The following GUCY1A2 variants were observed in gnomAD, a reference collection of about 807,000 sequenced individuals.
GUCY1A2 encodes guanylate cyclase soluble subunit alpha-2.
Under a neutral mutation model 63.5 loss-of-function variants are expected in GUCY1A2, and 27 were observed. The observed-to-expected ratio is 0.43, with a 90% CI of 0.31 to 0.59. The LOEUF is 0.59. Among genes scored for constraint, GUCY1A2 ranks in the 20% least tolerant of loss-of-function variants. The probability of loss-of-function intolerance (pLI) is 0.11; values close to 1 mark genes in which losing one functional copy is unlikely to be tolerated. For synonymous variants in GUCY1A2, 364 were observed against 343.5 expected (o/e 1.06, Z -0.66); for missense variants, 768 against 913.3 (o/e 0.84, Z 2.05).
At chr11:106,824,074 C>T in intron 4 of GUCY1A2, 1 of 1,493,930 alleles carries the variant, frequency 6.7e-7, no homozygotes, top group South Asian at 1.2e-5. Flanking sequence ...AGTTTTACAG[C>T]TTATGCTACC....
rs777056077 is a variant in GUCY1A2 at position 106,939,833 on chromosome 11, G to A, written c.833C>T (p.Ser278Phe). The change falls in exon 4 of 8, where the codon TCT becomes TTT. Residue 278 changes from serine to phenylalanine, a missense_variant. By Grantham distance (155) the Ser-to-Phe change is radical. Coordinates refer to ENST00000526355, the MANE Select transcript of GUCY1A2 (RefSeq NM_000855.3). ...ACAATTGCCTGGGTTTGAAACATCA[G>A]AGCATAGCTTCTCATTTGCAACCTG... ...VEQVANEKLCSDVSNPGNCSC... is the reference protein window; with the variant it reads ...VEQVANEKLCFDVSNPGNCSC... The A allele has an allele frequency of 1.2e-6, 2 of 1,613,648 alleles. No individual in the cohort carries two copies. The highest frequency in any genetic ancestry group is 3.3e-5 in the Admixed American group (2 of 60,008).
chr11:106,951,508 T>C (rs1467183010), intron 3 of GUCY1A2, among the ~76,000 whole-genome samples: 1 of 152,238 alleles, frequency 6.6e-6, no homozygotes, highest in African/African-American at 2.4e-5. Flanking sequence ...TTGAGCTTTT[T>C]TTCATGATTG....
chr11:106,808,071 A>G (rs1012547446), intron 5 of GUCY1A2, among the ~76,000 whole-genome samples: 2 of 151,978 alleles, frequency 1.3e-5, no homozygotes, highest in African/African-American at 4.8e-5. Flanking sequence ...GTGAGTCAAT[A>G]CTCCTTAATA....
intron 4 of GUCY1A2, among the ~76,000 whole-genome samples, chr11:106,865,712 T>C (rs56105251): frequency 0.058 from 8,791 of 151,886 alleles, 388 homozygotes; most frequent in Admixed American, 0.1. Context: ...TGACAGGTTG[T>C]TGGGTACAGC....
chr11:106,952,157 G>T (rs1482977474), intron 3 of GUCY1A2, among the ~76,000 whole-genome samples: 1 of 152,184 alleles, frequency 6.6e-6, no homozygotes, highest in South Asian at 2.1e-4. Flanking sequence ...AGTATACTTT[G>T]AAGTCAGGTA....
chr11:106,962,370 T>G (rs963262203), intron 3 of GUCY1A2, among the ~76,000 whole-genome samples: 8 of 139,274 alleles, frequency 5.7e-5, no homozygotes, highest in Non-Finnish European at 1.1e-4. Context: ...GCTAACATGG[T>G]GAAACCCCAT....
chr11:106,981,444 T>G (rs1315613601), intron 2 of GUCY1A2, among the ~76,000 whole-genome samples: 1 of 148,604 alleles, frequency 6.7e-6, no homozygotes, highest in African/African-American at 2.5e-5. Flanking sequence ...AACAGTCCTA[T>G]CCATGATATT....
At chr11:106,941,086 A>G (rs1276010024) in intron 3 of GUCY1A2, among the ~76,000 whole-genome samples, 2 of 152,182 alleles carry the variant, frequency 1.3e-5, no homozygotes, top group Non-Finnish European at 2.9e-5. Flanking sequence ...AAGGAGAAAA[A>G]ACAAGAAAAT....
intron 4 of GUCY1A2, among the ~76,000 whole-genome samples, chr11:106,908,483 G>A (rs1295500705): frequency 1.3e-5 from 2 of 151,816 alleles, no homozygotes; most frequent in African/African-American, 4.8e-5. Flanking sequence ...TATACATAAA[G>A]CAGAAAATTG....
rs1196652308 is a variant in GUCY1A2 at position 106,677,948 on chromosome 11, T to C, written c.*9601A>G. On this transcript the variant is annotated 3_prime_UTR_variant, in exon 8 of 8. Coordinates refer to ENST00000526355, the MANE Select transcript of GUCY1A2 (RefSeq NM_000855.3). ...GACAGAATAAAATTGTTTTTAAGGA[T>C]CAAATGAAAAAGCAATGAGCACCTA... 1 of 201,266 alleles carries C rather than the reference T, an allele frequency of 5.0e-6. No homozygotes were observed. Among genetic ancestry groups the C allele is most frequent in the Non-Finnish European group, 1.0e-5 (1 of 97,732 alleles). 12.5% of individuals were successfully genotyped at this position (201,266 alleles called of 1,614,324 possible).
chr11:106,792,731 A>G lies in GUCY1A2; in HGVS notation c.1693-16149T>C, dbSNP rs533045859. On this transcript the variant is annotated intron_variant, in intron 5 of 7. Transcript: ENST00000526355. ...AAGACAAGGATGCCTTCTCTTGCCT[A>G]TCCTATTCAACACAGTATTGAAAAA... Among the ~76,000 whole-genome samples, 156 of 152,280 alleles carry G rather than the reference A, an allele frequency of 1.0e-3. 1 individual carries two copies. Among genetic ancestry groups the G allele is most frequent in the Middle Eastern group, 3.4e-3 (1 of 294 alleles).
chr11:106,825,673 A>G (rs968314231), intron 4 of GUCY1A2, among the ~76,000 whole-genome samples: 1 of 152,018 alleles, frequency 6.6e-6, no homozygotes, highest in African/African-American at 2.4e-5. Flanking sequence ...AGGGATGTCC[A>G]ATCTTTTGGC....
intron 5 of GUCY1A2, among the ~76,000 whole-genome samples, chr11:106,783,022 T>C (rs1864493435): frequency 6.6e-6 from 1 of 152,164 alleles, no homozygotes. Context: ...GGAACGCCCA[T>C]GGGACATACT....
rs771675266 is a variant in GUCY1A2, at chr11:106,939,958, C to T, written c.708G>A (p.Met236Ile). Residue 236 changes from methionine to isoleucine, a missense_variant, in exon 4 of 8, where the codon ATG becomes ATA. Met to Ile is a conservative substitution (Grantham distance 10). Transcript: ENST00000526355. ...LCKELPEGTL[M>I]LHYFHPHHIV... is the part of the protein sequence containing the mutation. ...TATGGTGAGGGTGGAAGTAGTGGAG[C>T]ATGAGAGTACCTTCAGGGAGCTCTT... The T allele has an allele frequency of 1.9e-6, 3 of 1,613,744 alleles. No individual in the cohort carries two copies. In the East Asian group the frequency reaches 6.7e-5, roughly 36 times the overall value.
chr11:106,802,779 A>G lies in GUCY1A2; in HGVS notation c.1692+7214T>C, dbSNP rs78924719. Among the ~76,000 whole-genome samples the G allele has an allele frequency of 7.9e-5, 12 of 152,218 alleles. No individual in the cohort carries two copies. In the East Asian group the frequency reaches 9.7e-4, roughly 12 times the overall value. On this transcript the variant is annotated intron_variant, in intron 5 of 7. Transcript: ENST00000526355. ...GCAAGCTCAAGTCACTTCTTCTTATAATGATGCTAATTCCATCATTGAAGT... is the reference window on the plus strand; with the variant it reads ...GCAAGCTCAAGTCACTTCTTCTTATGATGATGCTAATTCCATCATTGAAGT...
chr11:106,888,710 G>A (rs1407643166), intron 4 of GUCY1A2, among the ~76,000 whole-genome samples: 1 of 152,046 alleles, frequency 6.6e-6, no homozygotes, highest in African/African-American at 2.4e-5. Flanking sequence ...TACAACAATG[G>A]TTTCCTTGTC....
At chr11:106,828,011 C>A in intron 4 of GUCY1A2, 1 of 668,734 alleles carries the variant, frequency 1.5e-6, no homozygotes, top group South Asian at 1.7e-5. Flanking sequence ...ATCCGACCTA[C>A]GGGTGCTCGG....
chr11:106,896,785 A>G (rs1266749207), intron 4 of GUCY1A2, among the ~76,000 whole-genome samples: 2 of 152,198 alleles, frequency 1.3e-5, no homozygotes. Context: ...CTTGATCTTG[A>G]ATTTCCCAGC....
chr11:106,989,067 GAAC>G (rs1366252061), intron 1 of GUCY1A2, among the ~76,000 whole-genome samples: 4 of 152,122 alleles, frequency 2.6e-5, no homozygotes, highest in Admixed American at 6.5e-5. Context: ...AGATCAGTGG[GAAC>G]AACAAGGGCT....
Sources: allele counts gnomAD v4.1 joint callset (sites outside exome capture counted in the v4.1 genomes callset), GRCh38; gene constraint gnomAD v4.1.1; transcripts MANE v1.5; gene names NCBI Gene and HGNC (gene_info 2026-07-23, HGNC 2026-07-21).